Variants in ARHGAP15 observed in about 807,000 individuals in gnomAD.
ARHGAP15 encodes the protein rho GTPase-activating protein 15.
In ARHGAP15, 51 loss-of-function variants were observed where a neutral mutation model predicts 63.7. That is an observed-to-expected ratio of 0.80 (90% CI 0.64 to 1.01). The LOEUF is 1.01. Ranked by LOEUF, ARHGAP15 falls within the 50% of genes least tolerant of loss-of-function variation. The pLI is 0.00. For missense variants in ARHGAP15, 560 were observed against 564.6 expected (o/e 0.99, Z 0.08); for synonymous variants, 191 against 193.8 (o/e 0.99, Z 0.12).
chr2:143,570,286 C>T (rs1696399747), intron 11 of ARHGAP15, among the ~76,000 whole-genome samples: 1 of 152,150 alleles, frequency 6.6e-6, no homozygotes, highest in Non-Finnish European at 1.5e-5. Context: ...CCTGGAACCT[C>T]CCCCCAAACC....
intron 6 of ARHGAP15, among the ~76,000 whole-genome samples, chr2:143,327,687 A>G (rs943255210): frequency 6.6e-6 from 1 of 152,238 alleles, no homozygotes; most frequent in African/African-American, 2.4e-5. Flanking sequence ...CATGCAGGAC[A>G]TAGGCATGGG....
chr2:143,414,708 T>C (rs1295595376), intron 6 of ARHGAP15, among the ~76,000 whole-genome samples: 1 of 152,146 alleles, frequency 6.6e-6, no homozygotes, highest in Non-Finnish European at 1.5e-5. Flanking sequence ...CGAAGGCAGG[T>C]GGATCACTTG....
intron 1 of ARHGAP15, among the ~76,000 whole-genome samples, chr2:143,134,311 C>T (rs2104980013): frequency 6.6e-6 from 1 of 152,286 alleles, no homozygotes; most frequent in East Asian, 1.9e-4. Flanking sequence ...TGAACTTCCA[C>T]CAGCACTTAA....
intron 6 of ARHGAP15, among the ~76,000 whole-genome samples, chr2:143,262,333 A>T (rs897586398): frequency 1.3e-5 from 2 of 152,122 alleles, no homozygotes; most frequent in Admixed American, 6.6e-5. Flanking sequence ...AAGAGCTAAT[A>T]AAAATGTTTT....
chr2:143,210,797 C>T (rs1380824172), intron 3 of ARHGAP15, among the ~76,000 whole-genome samples: 1 of 152,132 alleles, frequency 6.6e-6, no homozygotes, highest in Non-Finnish European at 1.5e-5. Context: ...CTTTCTATCA[C>T]CACTTATGTA....
intron 10 of ARHGAP15, among the ~76,000 whole-genome samples, chr2:143,528,696 T>G (rs2105009168): frequency 6.6e-6 from 1 of 152,292 alleles, no homozygotes; most frequent in Non-Finnish European, 1.5e-5. Context: ...ATGTTGTTCT[T>G]GTTATATTTT....
At chr2:143,710,049 T>A (rs1684507775) in intron 13 of ARHGAP15, among the ~76,000 whole-genome samples, 1 of 152,250 alleles carries the variant, frequency 6.6e-6, no homozygotes, top group Admixed American at 6.5e-5. Context: ...CTGTACACTT[T>A]GGTCTTTCAC....
intron 12 of ARHGAP15, chr2:143,640,843 A>G (rs987983856): frequency 3.3e-5 from 5 of 152,170 alleles, no homozygotes; most frequent in African/African-American, 1.2e-4. Flanking sequence ...AATATGGGCC[A>G]AACAAAGCTG....
At chr2:143,542,149 G>A (rs1319751729) in intron 10 of ARHGAP15, among the ~76,000 whole-genome samples, 1 of 152,178 alleles carries the variant, frequency 6.6e-6, no homozygotes, top group Non-Finnish European at 1.5e-5. Flanking sequence ...AATGAGCGAG[G>A]CTTCGTGGGC....
chr2:143,511,776 G>A (rs1431733925), intron 9 of ARHGAP15, among the ~76,000 whole-genome samples: 3 of 151,998 alleles, frequency 2.0e-5, no homozygotes, highest in Non-Finnish European at 4.4e-5. Context: ...TCATTGAATT[G>A]TCCTCCTTGG....
At chr2:143,437,214 C>T (rs1689652824) in intron 8 of ARHGAP15, 172 bp downstream of exon 8, 1 of 648,654 alleles carries the variant, frequency 1.5e-6, no homozygotes, top group Non-Finnish European at 2.5e-6. Flanking sequence ...ACTTTGCTCA[C>T]ATCATTGTTG....
At chr2:143,579,767 G>T (rs1328042668) in intron 11 of ARHGAP15, among the ~76,000 whole-genome samples, 1 of 151,738 alleles carries the variant, frequency 6.6e-6, no homozygotes, top group Non-Finnish European at 1.5e-5. Context: ...ATAAATATTT[G>T]GGGGGTATAA....
At chr2:143,401,160 T>A (rs987669746) in intron 6 of ARHGAP15, among the ~76,000 whole-genome samples, 1 of 152,054 alleles carries the variant, frequency 6.6e-6, no homozygotes, top group African/African-American at 2.4e-5. Flanking sequence ...TAAGATATGC[T>A]GGAAAGCAGG....
intron 8 of ARHGAP15, among the ~76,000 whole-genome samples, chr2:143,470,789 C>G (rs1691489966): frequency 7.3e-6 from 1 of 137,398 alleles, no homozygotes; most frequent in Non-Finnish European, 1.6e-5. Flanking sequence ...CTACTCCAAA[C>G]AGGTTGGCAT....
intron 4 of ARHGAP15, among the ~76,000 whole-genome samples, chr2:143,221,379 C>A (rs1692993138): frequency 6.6e-6 from 1 of 152,052 alleles, no homozygotes; most frequent in Admixed American, 6.6e-5. Context: ...GAGGCCATAC[C>A]TTTAGCCTTA....
intron 2 of ARHGAP15, among the ~76,000 whole-genome samples, chr2:143,180,926 C>T (rs1376801495): frequency 6.6e-6 from 1 of 152,144 alleles, no homozygotes; most frequent in Admixed American, 6.5e-5. Flanking sequence ...GTCGCCTCGG[C>T]CTCCCAAAGT....
At chr2:143,131,545 T>TA (rs564071655) in intron 1 of ARHGAP15, among the ~76,000 whole-genome samples, 11 of 152,312 alleles carry the variant, frequency 7.2e-5, no homozygotes, top group Admixed American at 2.6e-4. Context: ...GCTCTGCTCC[T>TA]AATTTAGAGT....
At chr2:143,348,169 G>C (rs774214168) in intron 6 of ARHGAP15, among the ~76,000 whole-genome samples, 1 of 152,110 alleles carries the variant, frequency 6.6e-6, no homozygotes, top group African/African-American at 2.4e-5. Context: ...TCATATTTGT[G>C]TTGGTGATTT....
rs58194704 is a variant in ARHGAP15, at chr2:143,407,987, G to GTA, written c.475-27570_475-27569dup. Among the ~76,000 whole-genome samples, 580 of 76,688 alleles carry GTA rather than the reference G, an allele frequency of 7.6e-3. 5 individuals carry two copies. Among genetic ancestry groups the GTA allele is most frequent in the African/African-American group, 0.01 (224 of 22,150 alleles). 50.3% of individuals were successfully genotyped at this position (76,688 alleles called of 152,430 possible). A position where few individuals can be genotyped will look rare whatever the true frequency, so the allele number is the denominator to read the frequency against. On this transcript the variant is annotated intron_variant, in intron 6 of 13. Transcript: ENST00000295095. The stretch of plus-strand genomic sequence containing the variant: ...TTTTTAAAGTCTGACTTCTGTGTGT[G>GTA]TATATATATATATATATATATATAT...
Sources: gnomAD v4.1 joint callset for allele counts (sites outside exome capture counted in the v4.1 genomes callset) on GRCh38, gnomAD v4.1.1 for gene constraint, MANE v1.5 for transcripts, NCBI Gene and HGNC (gene_info 2026-07-23, HGNC 2026-07-21) for gene names.